INPP4A: variants seen among roughly 807,000 people sequenced by gnomAD.
INPP4A encodes inositol polyphosphate-4-phosphatase, type I, 107kD.
INPP4A carries 33 observed loss-of-function variants against 119.8 expected under a neutral mutation model. That is an observed-to-expected ratio of 0.28 (90% CI 0.21 to 0.37). INPP4A has a LOEUF of 0.37. INPP4A is among the 10% of genes least tolerant of loss of function. The probability of loss-of-function intolerance (pLI) is 1.00; values close to 1 mark genes in which losing one functional copy is unlikely to be tolerated. For missense variants in INPP4A, 956 were observed against 1,289.9 expected, an observed-to-expected ratio of 0.74 and a Z score of 3.97; for synonymous variants, 496 against 500.7, an observed-to-expected ratio of 0.99 and a Z score of 0.12.
In INPP4A at chr2:98,563,546, C is replaced by T; in HGVS notation, c.1937C>T (p.Ala646Val). 1.2e-6 allele frequency: 2 copies of T among 1,613,976 alleles called. No homozygotes were observed. Among genetic ancestry groups the T allele is most frequent in the Non-Finnish European group, 1.7e-6 (2 of 1,179,890 alleles). Residue 646 changes from alanine (A) to valine (V), a missense_variant, in exon 18 of 25, where the codon GCC becomes GTC. By Grantham distance (64) the Ala-to-Val change is moderately conservative. Around this residue, in one of 2 missense-constraint regions of INPP4A, gnomAD observed 304 missense variants for 492.1 expected, o/e 0.62. Transcript: ENST00000409851. The part of the protein sequence containing the change: ...VAMMSDKAKK[A>V]MVFLLMQDSA... ...ATGATGAGTGACAAGGCCAAGAAGGCCATGGTATTCCTGCTCATGCAGGAC... is the reference window on the plus strand; with the variant it reads ...ATGATGAGTGACAAGGCCAAGAAGGTCATGGTATTCCTGCTCATGCAGGAC...
chr2:98,490,298 TC>T (rs1284367369), intron 1 of INPP4A, among the ~76,000 whole-genome samples: 1 of 151,960 alleles, frequency 6.6e-6, no homozygotes, highest in Admixed American at 6.6e-5. Flanking sequence ...GGGTGTCTCA[TC>T]CGGTTTCCTT....
intron 11 of INPP4A, among the ~76,000 whole-genome samples, chr2:98,544,647 GTTTTTCATTACTCTATATAT>G (rs1692144784): frequency 6.6e-6 from 1 of 152,028 alleles, no homozygotes; most frequent in South Asian, 2.1e-4. Flanking sequence ...GAATTTTTTG[GTTTTTCATTACTCTATATAT>G]TGCTTTAGCA....
chr2:98,559,109 C>T (rs1319876819), intron 16 of INPP4A, among the ~76,000 whole-genome samples: 1 of 152,246 alleles, frequency 6.6e-6, no homozygotes, highest in African/African-American at 2.4e-5. Flanking sequence ...ACGCGGGGCT[C>T]TGCCACTACA....
At chr2:98,461,776 T>G (rs1429466336) in intron 1 of INPP4A, among the ~76,000 whole-genome samples, 2 of 152,222 alleles carry the variant, frequency 1.3e-5, no homozygotes, top group Non-Finnish European at 2.9e-5. Context: ...GCGTGCTCGC[T>G]GTGTGCCTCT....
chr2:98,544,045 G>GCACACA (rs3217304), intron 11 of INPP4A, 38 bp downstream of exon 11: 13 of 1,441,472 alleles, frequency 9.0e-6, no homozygotes, highest in African/African-American at 8.5e-5. Context: ...ACACGCGTGC[G>GCACACA]CACACACACA....
chr2:98,539,378 G>A, intron 9 of INPP4A, 150 bp from the exon 10 acceptor site: 1 of 785,742 alleles, frequency 1.3e-6, no homozygotes, highest in Non-Finnish European at 2.0e-6. Context: ...CCACTTGGTG[G>A]GTTTTCGGTG....
At chr2:98,486,186 G>A (rs1372165028) in intron 1 of INPP4A, among the ~76,000 whole-genome samples, 3 of 152,130 alleles carry the variant, frequency 2.0e-5, no homozygotes, top group African/African-American at 4.8e-5. Flanking sequence ...ACTAATTGAT[G>A]CTCTTTCCTG....
rs1161020660 is a variant in INPP4A at position 98,572,728 on chromosome 2, C to G, written c.2519-87C>G. 16 of 812,464 alleles carry G rather than the reference C, an allele frequency of 2.0e-5. No individual in the cohort carries two copies. The East Asian group carries it at 4.0e-4, about 20-fold the overall frequency. The allele number at this position is 812,464 out of a possible 1,614,324, so 50.3% of individuals were successfully genotyped here. A position where few individuals can be genotyped will look rare whatever the true frequency, so the allele number is the denominator to read the frequency against. On this transcript the variant is annotated intron_variant, in intron 22 of 24. Coordinates refer to ENST00000409851, the MANE Select transcript of INPP4A (RefSeq NM_001134225.2). ...GAACTCATTGTTTTACCACTGTGTG[C>G]CCCAGCAGCTCACTTGGGTGGGCTC... is the stretch of plus-strand genomic sequence containing the variant.
chr2:98,491,846 G>A (rs563421791), intron 1 of INPP4A, among the ~76,000 whole-genome samples: 43 of 152,262 alleles, frequency 2.8e-4, no homozygotes, highest in Non-Finnish European at 5.4e-4. Context: ...TAACGATGGG[G>A]CTGCATCCCC....
chr2:98,446,577 G>C, intron 1 of INPP4A, among the ~76,000 whole-genome samples: 1 of 152,150 alleles, frequency 6.6e-6, no homozygotes, highest in East Asian at 1.9e-4. Flanking sequence ...TTGGCTTGAA[G>C]AAAAGGCTTA....
At chr2:98,563,141 A>G (rs1199472468) in intron 17 of INPP4A, among the ~76,000 whole-genome samples, 1 of 152,126 alleles carries the variant, frequency 6.6e-6, no homozygotes, top group Non-Finnish European at 1.5e-5. Context: ...TGGCCTCGTC[A>G]TGACTTGCAG....
chr2:98,465,808 CT>C (rs1316665816), intron 1 of INPP4A, among the ~76,000 whole-genome samples: 3 of 152,180 alleles, frequency 2.0e-5, no homozygotes, highest in Non-Finnish European at 4.4e-5. Context: ...GCCCCTGTTC[CT>C]GTGAGGGCCT....
chr2:98,491,346 GAA>G (rs1453502245), intron 1 of INPP4A, among the ~76,000 whole-genome samples: 1 of 152,252 alleles, frequency 6.6e-6, no homozygotes, highest in Non-Finnish European at 1.5e-5. Context: ...CTGGGGAGCA[GAA>G]AGTCAGCTGA....
At chr2:98,583,470 T>C (rs1166802122) in intron 24 of INPP4A, among the ~76,000 whole-genome samples, 5 of 152,122 alleles carry the variant, frequency 3.3e-5, no homozygotes, top group Non-Finnish European at 7.4e-5. Context: ...TTAACACCCA[T>C]GTAGGGCAGA....
chr2:98,458,867 A>C (rs974670684), intron 1 of INPP4A, among the ~76,000 whole-genome samples: 1 of 152,134 alleles, frequency 6.6e-6, no homozygotes, highest in Admixed American at 6.5e-5. Flanking sequence ...CATGGCAGGG[A>C]GAGAAGTACA....
intron 10 of INPP4A, among the ~76,000 whole-genome samples, chr2:98,540,082 C>T (rs1372570497): frequency 6.6e-6 from 1 of 152,170 alleles, no homozygotes; most frequent in Non-Finnish European, 1.5e-5. Flanking sequence ...CAGGTGTGCG[C>T]CACCAGGCCT....
intron 4 of INPP4A, chr2:98,521,258 T>A (rs999053864): frequency 6.5e-6 from 1 of 152,688 alleles, no homozygotes; most frequent in Non-Finnish European, 1.5e-5. Flanking sequence ...GTGCTGAGTC[T>A]GGGGTCAGCG....
intron 8 of INPP4A, 100 bp downstream of exon 8, chr2:98,538,074 G>C: frequency 1.3e-6 from 1 of 765,528 alleles, no homozygotes; most frequent in Non-Finnish European, 2.2e-6. Flanking sequence ...TCAGCAAAGG[G>C]CAGGGCCTGC....
At position 98,546,570 on chromosome 2, in the gene INPP4A, G is replaced by A. The variant is rs771051658; in HGVS notation, c.1055-16G>A. The A allele has an allele frequency of 1.9e-6, 3 of 1,588,078 alleles. No homozygotes were observed. Among genetic ancestry groups the A allele is most frequent in the African/African-American group, 1.3e-5 (1 of 74,548 alleles). On this transcript the variant is annotated splice_polypyrimidine_tract_variant and intron_variant, in intron 12 of 24. Coordinates refer to ENST00000409851, the MANE Select transcript of INPP4A (RefSeq NM_001134225.2). This position sits in a 1 kb window ranked among gnomAD's most constrained non-coding sequence, Gnocchi z 4.2. Reference sequence around the variant, plus strand: ...CCTGAGCCCAGAGTAATGGAGGAGAGCTTTCTGTCATTCAGATCAGAACTA... The same window carrying A: ...CCTGAGCCCAGAGTAATGGAGGAGAACTTTCTGTCATTCAGATCAGAACTA...
Sources: allele counts gnomAD v4.1 joint callset (sites outside exome capture counted in the v4.1 genomes callset), GRCh38; gene constraint gnomAD v4.1.1; regional missense constraint gnomAD v4.1.1; non-coding constraint Gnocchi (gnomAD v3.1); transcripts MANE v1.5; gene names NCBI Gene and HGNC (gene_info 2026-07-23, HGNC 2026-07-21).